GALNT17: variants seen among roughly 807,000 people sequenced by gnomAD.
GALNT17 encodes the protein polypeptide N-acetylgalactosaminyltransferase 17.
GALNT17 carries 29 observed loss-of-function variants against 63.7 expected under a neutral mutation model. That is an observed-to-expected ratio of 0.46 (90% CI 0.34 to 0.62). The LOEUF is 0.62. Among genes scored for constraint, GALNT17 ranks in the 20% least tolerant of loss-of-function variants. The pLI is 0.01. For synonymous variants in GALNT17, 305 were observed against 318.3 expected (o/e 0.96, Z 0.45); for missense variants, 603 against 799.6 (o/e 0.75, Z 2.97).
intron 9 of GALNT17, among the ~76,000 whole-genome samples, chr7:71,699,199 A>G (rs10282319): frequency 0.15 from 19,898 of 132,112 alleles, 1,602 homozygotes; most frequent in African/African-American, 0.22. Context: ...AAAAAAAATG[A>G]CCAGGTGCAG....
rs201820209 is a variant in GALNT17 at position 71,304,495 on chromosome 7, C to T, written c.239-31055C>T. On this transcript the variant is annotated intron_variant, in intron 1 of 10. Transcript: ENST00000333538. ...AAAACGGAGAAGGTTTTGATGACAG[C>T]GCTGCATGCATGTTTTTGTTAAGAA... 4.6e-5 allele frequency among the ~76,000 whole-genome samples: 7 copies of T among 152,064 alleles called. No individual in the cohort carries two copies. In the East Asian group the frequency reaches 1.2e-3, roughly 25 times the overall value.
rs1791256455 is a variant in GALNT17, at chr7:71,681,193, AC to A, written c.1500+3890del. The stretch of plus-strand genomic sequence containing the variant: ...TGGGATTACAGGCGTGAGCCTCAGC[AC>A]CCAGCCCCAGTTTTGCATTTCCAGC... On this transcript the variant is annotated intron_variant, in intron 9 of 10. Transcript: ENST00000333538. 3.3e-5 allele frequency among the ~76,000 whole-genome samples: 5 copies of A among 152,132 alleles called. No individual in the cohort carries two copies. The South Asian group carries it at 1.0e-3, about 32-fold the overall frequency.
chr7:71,692,325 C>A (rs1036080926), intron 9 of GALNT17, among the ~76,000 whole-genome samples: 2 of 152,152 alleles, frequency 1.3e-5, no homozygotes, highest in Non-Finnish European at 2.9e-5. Flanking sequence ...ATTATTATTA[C>A]TGAAGGTTAC....
At chr7:71,651,948 C>T (rs895275525) in intron 6 of GALNT17, among the ~76,000 whole-genome samples, 2 of 152,048 alleles carry the variant, frequency 1.3e-5, no homozygotes, top group Non-Finnish European at 2.9e-5. Flanking sequence ...CAATCCCCCC[C>T]AGCTCGGCCT....
intron 5 of GALNT17, among the ~76,000 whole-genome samples, chr7:71,432,378 G>A (rs10241279): frequency 0.039 from 5,900 of 152,258 alleles, 186 homozygotes; most frequent in African/African-American, 0.087. Flanking sequence ...AGTCACATAG[G>A]CATGGAGAGC....
At chr7:71,450,261 G>A (rs1383386999) in intron 5 of GALNT17, among the ~76,000 whole-genome samples, 2 of 151,434 alleles carry the variant, frequency 1.3e-5, no homozygotes, top group African/African-American at 2.4e-5. Context: ...TCAGCCTCGC[G>A]AGTAGTGGCA....
At chr7:71,566,322 A>AT (rs1267489426) in intron 5 of GALNT17, among the ~76,000 whole-genome samples, 2 of 152,098 alleles carry the variant, frequency 1.3e-5, no homozygotes, top group East Asian at 3.9e-4. Flanking sequence ...GCTTTCTGTG[A>AT]TTTTAACTAC....
intron 1 of GALNT17, among the ~76,000 whole-genome samples, chr7:71,146,600 C>T (rs929729690): frequency 2.0e-5 from 3 of 152,054 alleles, no homozygotes; most frequent in African/African-American, 7.2e-5. Flanking sequence ...CTCCCTTCTC[C>T]CTCCCTCCCT....
intron 6 of GALNT17, among the ~76,000 whole-genome samples, chr7:71,599,576 C>A (rs1789935126): frequency 6.6e-6 from 1 of 152,014 alleles, no homozygotes; most frequent in Non-Finnish European, 1.5e-5. Context: ...AATTTTAAGC[C>A]TAGGCTGTTT....
intron 5 of GALNT17, among the ~76,000 whole-genome samples, chr7:71,522,645 C>G (rs1788550581): frequency 6.6e-6 from 1 of 152,096 alleles, no homozygotes; most frequent in African/African-American, 2.4e-5. Context: ...ATTATGGGAG[C>G]TACAAGATGA....
At chr7:71,499,562 T>C (rs1217719193) in intron 5 of GALNT17, among the ~76,000 whole-genome samples, 2 of 152,168 alleles carry the variant, frequency 1.3e-5, no homozygotes, top group Non-Finnish European at 2.9e-5. Context: ...TCATTAATGA[T>C]ACGATTGTTT....
chr7:71,477,830 A>G (rs1055164445), intron 5 of GALNT17, among the ~76,000 whole-genome samples: 2 of 152,210 alleles, frequency 1.3e-5, no homozygotes, highest in South Asian at 4.1e-4. Context: ...CCCAATGTCT[A>G]TTCAGACCTT....
chr7:71,382,796 G>T (rs1325365875), intron 2 of GALNT17, among the ~76,000 whole-genome samples: 1 of 152,170 alleles, frequency 6.6e-6, no homozygotes, highest in Non-Finnish European at 1.5e-5. Flanking sequence ...GCAGGATGGG[G>T]AGGTAGAGAG....
intron 6 of GALNT17, among the ~76,000 whole-genome samples, chr7:71,657,074 T>A (rs1325686333): frequency 6.6e-6 from 1 of 152,182 alleles, no homozygotes; most frequent in Non-Finnish European, 1.5e-5. Flanking sequence ...TCCTTCCTGC[T>A]GCTTTTGAGA....
At chr7:71,481,188 T>C (rs533741095) in intron 5 of GALNT17, among the ~76,000 whole-genome samples, 2 of 152,170 alleles carry the variant, frequency 1.3e-5, no homozygotes, top group Non-Finnish European at 2.9e-5. Flanking sequence ...GGCTCACGCC[T>C]GTAATCCCAG....
At chr7:71,433,769 T>C (rs1392641639) in intron 5 of GALNT17, among the ~76,000 whole-genome samples, 1 of 152,208 alleles carries the variant, frequency 6.6e-6, no homozygotes, top group Non-Finnish European at 1.5e-5. Context: ...CCAAGTCTGA[T>C]GGTTAATACT....
intron 3 of GALNT17, among the ~76,000 whole-genome samples, chr7:71,399,155 G>A (rs1286952836): frequency 1.3e-5 from 2 of 152,144 alleles, no homozygotes; most frequent in Non-Finnish European, 2.9e-5. Flanking sequence ...AATTACTTGA[G>A]CCCGGGAGGT....
chr7:71,649,701 T>TAGGAAC (rs1374845065), intron 6 of GALNT17, among the ~76,000 whole-genome samples: 1 of 152,116 alleles, frequency 6.6e-6, no homozygotes, highest in Non-Finnish European at 1.5e-5. Flanking sequence ...ATTTTATCTA[T>TAGGAAC]AGGAACAATG....
chr7:71,540,757 T>A (rs1788876121), intron 5 of GALNT17, among the ~76,000 whole-genome samples: 1 of 152,200 alleles, frequency 6.6e-6, no homozygotes, highest in African/African-American at 2.4e-5. Flanking sequence ...ATGTATGTAA[T>A]TCACAAGCCA....
Sources: allele counts gnomAD v4.1 joint callset (sites outside exome capture counted in the v4.1 genomes callset), GRCh38; gene constraint gnomAD v4.1.1; transcripts MANE v1.5; gene names NCBI Gene and HGNC (gene_info 2026-07-23, HGNC 2026-07-21).